MGP: variants seen among roughly 807,000 people sequenced by gnomAD.
The protein encoded by MGP is cell growth-inhibiting gene 36 protein.
Under a neutral mutation model 14.5 loss-of-function variants are expected in MGP, and 13 were observed. The observed-to-expected ratio is 0.89, with a 90% CI of 0.58 to 1.42. The LOEUF (loss-of-function observed/expected upper bound fraction) is 1.42, where lower values mean the gene tolerates loss of function less well. MGP is among the 40% of genes most tolerant of loss of function. MGP has a pLI of 0.00. For synonymous variants in MGP, 44 were observed against 46.3 expected, an observed-to-expected ratio of 0.95 and a Z score of 0.20; for missense variants, 128 against 133.7, an observed-to-expected ratio of 0.96 and a Z score of 0.21.
At chr12:14,883,401 G>T in intron 2 of MGP, 1 of 332,482 alleles carries the variant, frequency 3.0e-6, no homozygotes, top group Non-Finnish European at 5.9e-6. Flanking sequence ...CTAGATTGCC[G>T]ATACATGAAC....
rs34477210 is a variant in MGP, at chr12:14,884,133, T to C, written c.94+80A>G. The C allele has an allele frequency of 5.2e-4, 605 of 1,171,550 alleles. No homozygotes were observed. In the African/African-American group the frequency reaches 8.3e-3, roughly 16 times the overall value. The allele number at this position is 1,171,550 out of a possible 1,614,324, so 72.6% of individuals were successfully genotyped here. ...CCCTTTTCCCTCCCTGTTATATATC[T>C]TTCCATCTTGTTTATTTAAAAATAA... On this transcript the variant is annotated intron_variant, in intron 2 of 3. Transcript: ENST00000539261.
intron 1 of MGP, among the ~76,000 whole-genome samples, chr12:14,885,408 A>G (rs1863427475): frequency 6.6e-6 from 1 of 152,228 alleles, no homozygotes; most frequent in Non-Finnish European, 1.5e-5. Context: ...ACCAAAGTCT[A>G]AATAAATATC....
chr12:14,881,868 C>G lies in MGP; in HGVS notation c.*271G>C, dbSNP rs1045354486. ...TGATTTAAATATCTCAATATCTTCC[C>G]AAAAGAAAGCAGATTTACAAGATGA... is the stretch of plus-strand genomic sequence containing the variant. On this transcript the variant is annotated 3_prime_UTR_variant, in exon 4 of 4. Transcript: ENST00000539261. 2.3e-6 allele frequency: 1 copy of G among 443,236 alleles called. No homozygotes were observed. The highest frequency in any genetic ancestry group is 3.5e-5 in the Admixed American group (1 of 28,736). 27.5% of individuals were successfully genotyped at this position (443,236 alleles called of 1,614,324 possible).
rs756226655 is a variant in MGP, at chr12:14,883,031, C to T, written c.111G>A (p.Arg37=). Residue 37 remains arginine (R), a synonymous_variant, in exon 3 of 4, where the codon AGG becomes AGA. Transcript: ENST00000539261. ...ESYELNPFIN[R]RNANTFISPQ... The stretch of plus-strand genomic sequence containing the variant: ...GGGATATGAAGGTATTTGCATTTCT[C>T]CTGTTAATGAAGGGATCTTAGAACA... The T allele has an allele frequency of 3.7e-6, 6 of 1,611,080 alleles. No individual in the cohort carries two copies. Among genetic ancestry groups the T allele is most frequent in the Admixed American group, 3.3e-5 (2 of 60,002 alleles).
Position 14,884,814 on chromosome 12 carries a change from C to G in MGP, c.62-569G>C, listed in dbSNP as rs1389131641. 3.9e-6 allele frequency: 6 copies of G among 1,533,080 alleles called. No homozygotes were observed. In the Admixed American group the frequency reaches 1.2e-4, roughly 30 times the overall value. 95.0% of individuals were successfully genotyped at this position (1,533,080 alleles called of 1,614,324 possible). On this transcript the variant is annotated intron_variant, in intron 1 of 3. Transcript: ENST00000539261. ...CACTAGCTCCAGCTGACAGCTCACC[C>G]TGGGCACGATGCCAGTTCAGAGAGA...
chr12:14,884,864 A>G, intron 1 of MGP: 1 of 1,535,282 alleles, frequency 6.5e-7, no homozygotes, highest in Non-Finnish European at 8.7e-7. Context: ...TCAAAGCCGA[A>G]GTTTTCTTCT....
intron 1 of MGP, chr12:14,884,806 A>C (rs1462022792): frequency 6.5e-7 from 1 of 1,530,880 alleles, no homozygotes; most frequent in South Asian, 1.2e-5. Context: ...TCCAGCTGAC[A>C]GCTCACCCTG....
chr12:14,884,442 A>G (rs1422888349), intron 1 of MGP, among the ~76,000 whole-genome samples, 197 bp from the exon 2 acceptor site: 1 of 152,194 alleles, frequency 6.6e-6, no homozygotes, highest in African/African-American at 2.4e-5. Flanking sequence ...GTTTTTCTCT[A>G]GCTCTGGCCT....
rs935058648 is a variant in MGP at position 14,881,447 on chromosome 12, A to G, written c.*692T>C. On this transcript the variant is annotated 3_prime_UTR_variant, in exon 4 of 4. Coordinates refer to ENST00000539261, the MANE Select transcript of MGP (RefSeq NM_000900.5). ...GAAGTAAAAAATAATTGGATTGTTT[A>G]GACTATTTACATATAATGTGATTAT... is the stretch of plus-strand genomic sequence containing the variant. 7 of 152,410 alleles carry G rather than the reference A, an allele frequency of 4.6e-5. No individual in the cohort carries two copies. The highest frequency in any genetic ancestry group is 2.6e-4 in the Admixed American group (4 of 15,304). The allele number at this position is 152,410 out of a possible 1,614,324, so 9.4% of individuals were successfully genotyped here. A position where few individuals can be genotyped will look rare whatever the true frequency, so the allele number is the denominator to read the frequency against.
rs200015464 is a variant in MGP at position 14,883,821 on chromosome 12, AAC to A, written c.94+390_94+391del. 116 of 168,532 alleles carry A rather than the reference AAC, an allele frequency of 6.9e-4. 1 individual carries two copies. In the East Asian group the frequency reaches 0.011, roughly 16 times the overall value. 10.4% of individuals were successfully genotyped at this position (168,532 alleles called of 1,614,324 possible). A position where few individuals can be genotyped will look rare whatever the true frequency, so the allele number is the denominator to read the frequency against. Reference sequence around the variant, plus strand: ...CTCAAAAAAAAAAACAAGAAAGAAAAACACAAAAAAACCAAAACAGCACTCAG... The same window carrying A: ...CTCAAAAAAAAAAACAAGAAAGAAAAACAAAAAAACCAAAACAGCACTCAG... On this transcript the variant is annotated intron_variant, in intron 2 of 3. Transcript: ENST00000539261.
intron 3 of MGP, 83 bp downstream of exon 3, chr12:14,882,889 G>GA: frequency 1.1e-6 from 1 of 908,818 alleles, no homozygotes; most frequent in Non-Finnish European, 1.8e-6. Context: ...TGTATATGAT[G>GA]AAAAAGCTGT....
At chr12:14,884,794 G>C in intron 1 of MGP, 6 of 1,528,608 alleles carry the variant, frequency 3.9e-6, no homozygotes, top group Non-Finnish European at 5.2e-6. Context: ...GAAACCACTA[G>C]CTCCAGCTGA....
rs142308030 is a variant in MGP at position 14,883,441 on chromosome 12, A to C, written c.95-394T>G. 7.8e-3 allele frequency: 1,757 copies of C among 225,290 alleles called. 16 individuals carry two copies. Among genetic ancestry groups the C allele is most frequent in the Middle Eastern group, 0.022 (12 of 548 alleles). The allele number at this position is 225,290 out of a possible 1,614,324, so 14.0% of individuals were successfully genotyped here. On this transcript the variant is annotated intron_variant, in intron 2 of 3. Coordinates refer to ENST00000539261, the MANE Select transcript of MGP (RefSeq NM_000900.5). ...TAAACACTATAAAAATAATGAATAA[A>C]TTAAAAATGAGAGTGATGTGCCATT...
chr12:14,885,753 T>G lies in MGP; in HGVS notation c.39A>C (p.Leu13Phe). 6.2e-7 allele frequency: 1 copy of G among 1,613,822 alleles called. No individual in the cohort carries two copies. Among genetic ancestry groups the G allele is most frequent in the Non-Finnish European group, 8.5e-7 (1 of 1,179,750 alleles). Residue 13 changes from leucine to phenylalanine, a missense_variant, in exon 1 of 4, where the codon TTA becomes TTC. Leu to Phe is a conservative substitution (Grantham distance 22). Transcript: ENST00000539261. ...CACCATAACACAAAGTTACTACCGC[T>G]AAGGCGGCCAGGATGGCAAGAAGGA... ...SLILLAILAA[L>F]AVVTLCYESH...
At chr12:14,884,017 A>T (rs1249686247) in intron 2 of MGP, 196 bp downstream of exon 2, 1 of 452,760 alleles carries the variant, frequency 2.2e-6, no homozygotes, top group Non-Finnish European at 4.1e-6. Context: ...TAAATCCCAT[A>T]TTGCACTACT....
At chr12:14,883,139 G>T in intron 2 of MGP, 92 bp from the exon 3 acceptor site, 3 of 1,042,890 alleles carry the variant, frequency 2.9e-6, no homozygotes, top group Non-Finnish European at 3.0e-6. Context: ...ATTTGAAAGT[G>T]CCTTAACTTA....
chr12:14,883,768 T>C (rs2430738), intron 2 of MGP: 65,714 of 161,818 alleles, frequency 0.41, 14,349 homozygotes, highest in African/African-American at 0.53. Context: ...CACTGCACTC[T>C]AGCCTGGGCG....
In MGP at chr12:14,885,854, C is replaced by T. The variant is rs1800801; in HGVS notation, c.-63G>A. The T allele has an allele frequency of 0.35, 495,974 of 1,431,672 alleles. 89,490 individuals are homozygous for T. Among genetic ancestry groups the T allele is most frequent in the Middle Eastern group, 0.38 (2,088 of 5,552 alleles). The allele number at this position is 1,431,672 out of a possible 1,614,324, so 88.7% of individuals were successfully genotyped here. A position where few individuals can be genotyped will look rare whatever the true frequency, so the allele number is the denominator to read the frequency against. On this transcript the variant is annotated 5_prime_UTR_variant, in exon 1 of 4. Coordinates refer to ENST00000539261, the MANE Select transcript of MGP (RefSeq NM_000900.5). ...GCAGCAGTAGGGAGAGAGGCTCCTACGGGATGTTAGTGGAAGGCTGTGAGG... is the reference window on the plus strand; with the variant it reads ...GCAGCAGTAGGGAGAGAGGCTCCTATGGGATGTTAGTGGAAGGCTGTGAGG...
chr12:14,880,924 T>A lies in MGP; in HGVS notation c.*1215A>T, dbSNP rs1205586288. Among the ~76,000 whole-genome samples, 1 of 152,188 alleles carries A rather than the reference T, an allele frequency of 6.6e-6. No individual in the cohort carries two copies. Among genetic ancestry groups the A allele is most frequent in the Non-Finnish European group, 1.5e-5 (1 of 68,036 alleles). ...CAAAGGTAAGAATTACAACAAATTT[T>A]ATATCGAAAAATTGTGCAAGCTAGA... On this transcript the variant is annotated 3_prime_UTR_variant, in exon 4 of 4. Transcript: ENST00000539261.
Sources: allele counts gnomAD v4.1 joint callset (sites outside exome capture counted in the v4.1 genomes callset), GRCh38; gene constraint gnomAD v4.1.1; transcripts MANE v1.5; gene names NCBI Gene and HGNC (gene_info 2026-07-23, HGNC 2026-07-21).